The following CCDC178 variants were observed in gnomAD, a reference collection of about 807,000 sequenced individuals.
CCDC178 encodes the protein coiled-coil domain-containing protein 178.
Under a neutral mutation model 117.4 loss-of-function variants are expected in CCDC178, and 126 were observed. The observed-to-expected ratio is 1.07, with a 90% CI of 0.93 to 1.24. The LOEUF is 1.24. Ranked by LOEUF, CCDC178 falls within the 50% of genes most tolerant of loss-of-function variation. CCDC178 has a pLI of 0.00. For missense variants in CCDC178, 1,030 were observed against 986.9 expected (o/e 1.04, Z -0.59); for synonymous variants, 283 against 313.4 (o/e 0.90, Z 1.02).
At chr18:33,324,419 CG>C (rs996716759) in intron 10 of CCDC178, among the ~76,000 whole-genome samples, 37 of 151,910 alleles carry the variant, frequency 2.4e-4, no homozygotes, top group African/African-American at 7.7e-4. Context: ...TTTCTTCAAA[CG>C]TACTGTTAAA....
chr18:33,071,263 A>G (rs1430486519), intron 21 of CCDC178, among the ~76,000 whole-genome samples: 1 of 152,110 alleles, frequency 6.6e-6, no homozygotes, highest in African/African-American at 2.4e-5. Context: ...AGAAAAGAAG[A>G]AAGATCTGTC....
chr18:33,036,907 G>C (rs555639112), intron 21 of CCDC178, among the ~76,000 whole-genome samples: 1 of 151,984 alleles, frequency 6.6e-6, no homozygotes, highest in South Asian at 2.1e-4. Flanking sequence ...AGCTGAGAGA[G>C]ACAATAGATT....
At chr18:33,050,295 G>A (rs1346441516) in intron 21 of CCDC178, among the ~76,000 whole-genome samples, 2 of 152,092 alleles carry the variant, frequency 1.3e-5, no homozygotes, top group Admixed American at 6.6e-5. Context: ...GAGGTCAAAT[G>A]GCAAAATGCT....
intron 2 of CCDC178, among the ~76,000 whole-genome samples, chr18:33,434,803 CA>C (rs1412319873): frequency 2.0e-5 from 3 of 151,918 alleles, no homozygotes; most frequent in Admixed American, 2.0e-4. Flanking sequence ...TTCATTTTGA[CA>C]ATTCTAACTC....
At chr18:33,397,336 A>G (rs542138185) in intron 3 of CCDC178, 128 bp from the exon 4 acceptor site, 2 of 530,732 alleles carry the variant, frequency 3.8e-6, no homozygotes, top group South Asian at 3.5e-5. Context: ...GCTAAATTAC[A>G]TAAGAAAGGG....
intron 14 of CCDC178, among the ~76,000 whole-genome samples, chr18:33,250,311 A>G (rs2059605502): frequency 6.6e-6 from 1 of 151,796 alleles, no homozygotes; most frequent in African/African-American, 2.4e-5. Flanking sequence ...GGAGGACAGT[A>G]GAAAAACTAA....
chr18:33,432,501 AC>A (rs2064234509), intron 2 of CCDC178, among the ~76,000 whole-genome samples: 1 of 151,712 alleles, frequency 6.6e-6, no homozygotes, highest in Non-Finnish European at 1.5e-5. Flanking sequence ...ACACACACAC[AC>A]ACACACACAC....
chr18:33,262,664 G>A (rs1268344477), intron 14 of CCDC178, among the ~76,000 whole-genome samples: 1 of 151,884 alleles, frequency 6.6e-6, no homozygotes, highest in African/African-American at 2.4e-5. Flanking sequence ...CCAGACACAA[G>A]CACACAGGTC....
intron 11 of CCDC178, among the ~76,000 whole-genome samples, chr18:33,309,955 A>C (rs1362356718): frequency 6.1e-3 from 123 of 20,308 alleles, no homozygotes; most frequent in African/African-American, 9.2e-3. Flanking sequence ...TTATTTATTT[A>C]TTTATTTATT....
At chr18:33,329,033 T>C (rs972026834) in intron 10 of CCDC178, among the ~76,000 whole-genome samples, 8 of 152,144 alleles carry the variant, frequency 5.3e-5, no homozygotes, top group Non-Finnish European at 1.2e-4. Context: ...AAATTATTAG[T>C]ATTTTATTAT....
intron 21 of CCDC178, among the ~76,000 whole-genome samples, chr18:33,046,924 T>C (rs1220014358): frequency 6.6e-6 from 1 of 152,202 alleles, no homozygotes; most frequent in East Asian, 1.9e-4. Context: ...ATATAACTTG[T>C]ATTTGACTGA....
chr18:33,238,576 G>C (rs1312573633), intron 15 of CCDC178, among the ~76,000 whole-genome samples: 1 of 152,072 alleles, frequency 6.6e-6, no homozygotes. Context: ...TGAACCTGAA[G>C]ACAAGTCTTT....
In CCDC178 at chr18:33,266,946, A is replaced by G; in HGVS notation, c.1379T>C (p.Ile460Thr). The change falls in exon 14 of 23, where the codon ATT becomes ACT. Residue 460 changes from isoleucine (I) to threonine (T), a missense_variant. Transcript: ENST00000383096. ...TEDNKKLEID[I>T]NKITVKTNES... Reference sequence around the variant, plus strand: ...ATTGGTTTTTACTGTTATTTTGTTAATATCAATCTCAAGTTTTTTATTGTC... The same window carrying G: ...ATTGGTTTTTACTGTTATTTTGTTAGTATCAATCTCAAGTTTTTTATTGTC... 1 of 1,586,138 alleles carries G rather than the reference A, an allele frequency of 6.3e-7. No homozygotes were observed. The highest frequency in any genetic ancestry group is 8.5e-7 in the Non-Finnish European group (1 of 1,170,678).
intron 22 of CCDC178, among the ~76,000 whole-genome samples, chr18:32,960,703 A>G (rs1347323026): frequency 1.3e-5 from 2 of 152,168 alleles, no homozygotes; most frequent in African/African-American, 4.8e-5. Flanking sequence ...CTTCACCCAT[A>G]CAGGCCTTCT....
At chr18:33,321,069 C>T (rs961772643) in intron 11 of CCDC178, among the ~76,000 whole-genome samples, 1 of 152,180 alleles carries the variant, frequency 6.6e-6, no homozygotes, top group Non-Finnish European at 1.5e-5. Context: ...CCCTTCCTTA[C>T]ACCTTATACA....
chr18:33,331,400 G>A (rs2062666668), intron 10 of CCDC178, among the ~76,000 whole-genome samples: 1 of 151,896 alleles, frequency 6.6e-6, no homozygotes, highest in African/African-American at 2.4e-5. Context: ...CCATCCCCAA[G>A]GTTGCTTCAT....
At chr18:33,156,410 T>C (rs1314890475) in intron 20 of CCDC178, among the ~76,000 whole-genome samples, 1 of 150,190 alleles carries the variant, frequency 6.7e-6, no homozygotes, top group Non-Finnish European at 1.5e-5. Flanking sequence ...TTTTAAACAA[T>C]CTGAAATATA....
chr18:33,383,595 C>A (rs1185425739), intron 5 of CCDC178, among the ~76,000 whole-genome samples: 2 of 152,084 alleles, frequency 1.3e-5, no homozygotes, highest in Non-Finnish European at 2.9e-5. Flanking sequence ...GGACACCTAG[C>A]AAACTGCAGC....
chr18:33,146,018 C>G (rs1164306170), intron 20 of CCDC178, among the ~76,000 whole-genome samples: 1 of 152,118 alleles, frequency 6.6e-6, no homozygotes, highest in Non-Finnish European at 1.5e-5. Context: ...AGCCAAAAAA[C>G]TAACTAAATT....
Sources: gnomAD v4.1 joint callset for allele counts (sites outside exome capture counted in the v4.1 genomes callset) on GRCh38, gnomAD v4.1.1 for gene constraint, MANE v1.5 for transcripts, NCBI Gene and HGNC (gene_info 2026-07-23, HGNC 2026-07-21) for gene names.